DDX4: variants seen among roughly 807,000 people sequenced by gnomAD.
DDX4 encodes DEAD-box helicase 4.
DDX4 carries 25 observed loss-of-function variants against 100.0 expected under a neutral mutation model. The ratio of observed to expected loss-of-function variants is 0.25; its 90% CI spans 0.18 to 0.35. The LOEUF is 0.35. Ranked by LOEUF, DDX4 falls within the 10% of genes least tolerant of loss-of-function variation. The pLI, the probability that DDX4 is intolerant of heterozygous loss-of-function variation, is 1.00. For synonymous variants in DDX4, 259 were observed against 275.7 expected (o/e 0.94, Z 0.60); for missense variants, 635 against 882.4 (o/e 0.72, Z 3.55).
At chr5:55,803,212 C>G (rs1580600061) in intron 18 of DDX4, among the ~76,000 whole-genome samples, 1 of 146,108 alleles carries the variant, frequency 6.8e-6, no homozygotes, top group Non-Finnish European at 1.5e-5. Flanking sequence ...GTTTTTTTGT[C>G]CTTGCAATAG....
At chr5:55,803,400 G>A (rs1479612765) in intron 18 of DDX4, among the ~76,000 whole-genome samples, 1 of 149,848 alleles carries the variant, frequency 6.7e-6, no homozygotes, top group Non-Finnish European at 1.5e-5. Flanking sequence ...ATGTATACAT[G>A]TGCCATGCTG....
At position 55,798,547 on chromosome 5, in the gene DDX4, C is replaced by G. The variant is rs748185209; in HGVS notation, c.1591C>G (p.Leu531Val). 1.2e-6 allele frequency: 2 copies of G among 1,608,082 alleles called. No homozygotes were observed. Among genetic ancestry groups the G allele is most frequent in the Admixed American group, 1.7e-5 (1 of 59,376 alleles). Residue 531 changes from leucine (L) to valine (V), a missense_variant, in exon 18 of 22, where the codon CTC becomes GTC. By Grantham distance (32) the Leu-to-Val change is conservative. Transcript: ENST00000505374. ...QVGQFSKREK[L>V]VEILRNIGDE... Reference sequence around the variant, plus strand: ...TGGCCAGTTCTCAAAAAGAGAAAAGCTCGTTGAAATTCTGCGAAACATAGG... The same window carrying G: ...TGGCCAGTTCTCAAAAAGAGAAAAGGTCGTTGAAATTCTGCGAAACATAGG...
intron 11 of DDX4, 23 bp downstream of exon 11, chr5:55,785,367 G>T: frequency 6.3e-7 from 1 of 1,597,970 alleles, no homozygotes; most frequent in Non-Finnish European, 8.6e-7. Flanking sequence ...TAAACAAGGT[G>T]TTTGATTTTT....
At chr5:55,771,437 C>A (rs1010884473) in intron 7 of DDX4, among the ~76,000 whole-genome samples, 2 of 152,066 alleles carry the variant, frequency 1.3e-5, no homozygotes, top group Non-Finnish European at 2.9e-5. Flanking sequence ...GTGTTTGTTG[C>A]AATTGTAGAT....
chr5:55,815,668 A>G (rs1311401936), intron 21 of DDX4, among the ~76,000 whole-genome samples: 1 of 152,136 alleles, frequency 6.6e-6, no homozygotes, highest in Non-Finnish European at 1.5e-5. Context: ...TTTAATTTGG[A>G]ATCTTTTAAA....
At chr5:55,762,664 G>C (rs542360940) in intron 4 of DDX4, among the ~76,000 whole-genome samples, 124 of 152,258 alleles carry the variant, frequency 8.1e-4, no homozygotes, top group African/African-American at 2.9e-3. Flanking sequence ...TGGGGAAATA[G>C]TATGGCGAGA....
rs1428240003 is a variant in DDX4, at chr5:55,785,747, T to G, written c.740T>G (p.Ile247Arg). ...TTCCAAGGACCAAAAGTGACCTACA[T>G]ACCCCCTCCTCCACCTGAGGATGAG... ...SDTQGPKVTY[I>R]PPPPPEDEDS... The change falls in exon 13 of 22, where the codon ATA (isoleucine) becomes AGA (arginine). Residue 247 changes from isoleucine (I) to arginine (R), a missense_variant. Around this residue, in one of 4 missense-constraint regions of DDX4, gnomAD observed 446 missense variants for 540.8 expected, o/e 0.82. Coordinates refer to ENST00000505374, the MANE Select transcript of DDX4 (RefSeq NM_024415.3). The G allele has an allele frequency of 1.2e-6, 2 of 1,612,170 alleles. No individual in the cohort carries two copies. Among genetic ancestry groups the G allele is most frequent in the South Asian group, 1.1e-5 (1 of 91,020 alleles).
intron 17 of DDX4, among the ~76,000 whole-genome samples, chr5:55,796,478 A>C (rs1742944340): frequency 6.6e-6 from 1 of 152,232 alleles, no homozygotes. Context: ...CTTCTGCATT[A>C]GTGGCAATGC....
intron 18 of DDX4, among the ~76,000 whole-genome samples, chr5:55,801,273 A>G (rs955175876): frequency 4.7e-5 from 7 of 149,260 alleles, no homozygotes; most frequent in Non-Finnish European, 1.0e-4. Flanking sequence ...ATCAGCTATC[A>G]GTAGTGTTAC....
rs369736700 is a variant in DDX4, at chr5:55,793,495, G to A, written c.1469+688G>A. Among the ~76,000 whole-genome samples, 24 of 152,324 alleles carry A rather than the reference G, an allele frequency of 1.6e-4. No homozygotes were observed. The East Asian group carries it at 3.3e-3, about 21-fold the overall frequency. On this transcript the variant is annotated intron_variant, in intron 17 of 21. Transcript: ENST00000505374. ...ATAGGTTTATCGGGATGTTAACCCT[G>A]TTGTAAGTTGGGAACCATCTGTAAT...
intron 7 of DDX4, among the ~76,000 whole-genome samples, chr5:55,779,506 G>C (rs1274929357): frequency 1.3e-5 from 2 of 151,880 alleles, no homozygotes; most frequent in African/African-American, 4.8e-5. Context: ...CTAATCTTTT[G>C]GTATTCAATT....
intron 2 of DDX4, among the ~76,000 whole-genome samples, chr5:55,745,332 A>G (rs1397922207): frequency 6.6e-6 from 1 of 152,246 alleles, no homozygotes; most frequent in Admixed American, 6.5e-5. Context: ...ACTGTAATAT[A>G]TGGAACTTGG....
intron 18 of DDX4, among the ~76,000 whole-genome samples, chr5:55,802,775 G>C (rs1743403429): frequency 6.6e-6 from 1 of 152,134 alleles, no homozygotes; most frequent in African/African-American, 2.4e-5. Flanking sequence ...TAATGATCAT[G>C]GTAAATTTGT....
chr5:55,743,969 GA>G (rs2111579100), intron 2 of DDX4, among the ~76,000 whole-genome samples: 1 of 130,758 alleles, frequency 7.6e-6, no homozygotes, highest in East Asian at 2.5e-4. Context: ...TTACAAACAA[GA>G]AAAAAGTCTT....
chr5:55,746,273 T>A, intron 3 of DDX4, 52 bp downstream of exon 3: 1 of 1,512,906 alleles, frequency 6.6e-7, no homozygotes. Context: ...GGGTTTCATC[T>A]AGTGAATGAA....
intron 3 of DDX4, among the ~76,000 whole-genome samples, chr5:55,748,441 CTG>C (rs762452704): frequency 7.9e-5 from 12 of 151,872 alleles, no homozygotes; most frequent in Non-Finnish European, 1.6e-4. Flanking sequence ...ACGCATAACA[CTG>C]TTTTGTATTG....
At chr5:55,779,805 A>G (rs1404999532) in intron 7 of DDX4, among the ~76,000 whole-genome samples, 159 bp from the exon 8 acceptor site, 1 of 152,208 alleles carries the variant, frequency 6.6e-6, no homozygotes, top group East Asian at 1.9e-4. Context: ...AAAATTGAAC[A>G]CTTAATAGGT....
chr5:55,804,640 C>T (rs530394496), intron 18 of DDX4, among the ~76,000 whole-genome samples: 2 of 151,808 alleles, frequency 1.3e-5, no homozygotes, highest in Non-Finnish European at 2.9e-5. Flanking sequence ...TGTAGATATG[C>T]TGCGTTATTT....
intron 3 of DDX4, among the ~76,000 whole-genome samples, chr5:55,748,135 GT>G (rs1759343972): frequency 6.6e-6 from 1 of 152,146 alleles, no homozygotes; most frequent in Non-Finnish European, 1.5e-5. Context: ...TTCAAAATAT[GT>G]TTATCTTTTA....
Sources: gnomAD v4.1 joint callset for allele counts (sites outside exome capture counted in the v4.1 genomes callset) on GRCh38, gnomAD v4.1.1 for gene constraint, gnomAD v4.1.1 regional missense constraint, MANE v1.5 for transcripts, NCBI Gene and HGNC (gene_info 2026-07-23, HGNC 2026-07-21) for gene names.